Variants in AGMO observed in about 807,000 individuals in gnomAD.
AGMO encodes the protein alkylglycerol monooxygenase, also known as glyceryl-ether monooxygenase.
Under a neutral mutation model 60.2 loss-of-function variants are expected in AGMO, and 75 were observed. The ratio of observed to expected loss-of-function variants is 1.25; its 90% CI spans 1.03 to 1.51. AGMO has a LOEUF of 1.51. Ranked by LOEUF, AGMO falls within the 40% of genes most tolerant of loss-of-function variation. The pLI, the probability that AGMO is intolerant of heterozygous loss-of-function variation, is 0.00. For synonymous variants in AGMO, 261 were observed against 177.1 expected (o/e 1.47, Z -3.76); for missense variants, 763 against 525.5 (o/e 1.45, Z -4.42).
At chr7:15,541,306 G>C (rs1019647472) in intron 3 of AGMO, among the ~76,000 whole-genome samples, 1 of 152,016 alleles carries the variant, frequency 6.6e-6, no homozygotes, top group African/African-American at 2.4e-5. Flanking sequence ...ATTTTTAGTA[G>C]AGACAAGGTT....
intron 12 of AGMO, among the ~76,000 whole-genome samples, chr7:15,209,666 C>T (rs571272190): frequency 1.3e-5 from 2 of 152,238 alleles, no homozygotes; most frequent in South Asian, 2.1e-4. Flanking sequence ...TCGCCTAAGT[C>T]TCAAGTCATA....
At chr7:15,421,703 C>T (rs1375138356) in intron 4 of AGMO, among the ~76,000 whole-genome samples, 1 of 151,922 alleles carries the variant, frequency 6.6e-6, no homozygotes, top group Non-Finnish European at 1.5e-5. Flanking sequence ...TGGGGAATGT[C>T]GTGTTGGGGT....
intron 3 of AGMO, among the ~76,000 whole-genome samples, chr7:15,472,691 A>C (rs1782480360): frequency 6.6e-6 from 1 of 151,968 alleles, no homozygotes; most frequent in Admixed American, 6.6e-5. Flanking sequence ...ATGTGATCAT[A>C]TTTTCTGACA....
chr7:15,315,767 G>A (rs1780905575), intron 12 of AGMO, among the ~76,000 whole-genome samples: 1 of 152,020 alleles, frequency 6.6e-6, no homozygotes. Flanking sequence ...GAGATAAGAG[G>A]AAAAGTCTCT....
At chr7:15,304,246 A>G (rs1780543794) in intron 12 of AGMO, among the ~76,000 whole-genome samples, 1 of 152,084 alleles carries the variant, frequency 6.6e-6, no homozygotes, top group African/African-American at 2.4e-5. Flanking sequence ...CATTTGTTTC[A>G]TCTTTTAAAG....
At chr7:15,552,619 A>T (rs909231190) in intron 2 of AGMO, among the ~76,000 whole-genome samples, 5 of 149,288 alleles carry the variant, frequency 3.3e-5, no homozygotes, top group African/African-American at 1.2e-4. Flanking sequence ...AACCACAGTG[A>T]GATACCATCT....
chr7:15,385,413 G>A (rs111673111), intron 10 of AGMO, 33 bp downstream of exon 10: 1 of 1,314,096 alleles, frequency 7.6e-7, no homozygotes, highest in Admixed American at 1.8e-5. Context: ...AACAGATAAT[G>A]TTCTCACACT....
intron 5 of AGMO, among the ~76,000 whole-genome samples, chr7:15,395,578 T>C (rs1040254715): frequency 6.6e-5 from 10 of 152,178 alleles, no homozygotes; most frequent in Non-Finnish European, 1.5e-4. Flanking sequence ...CTGATCCAGA[T>C]TATGCTACGA....
intron 4 of AGMO, among the ~76,000 whole-genome samples, chr7:15,420,611 A>T (rs188475053): frequency 1.3e-5 from 2 of 152,192 alleles, no homozygotes; most frequent in Admixed American, 6.6e-5. Flanking sequence ...AATGTGGTCC[A>T]GGTAGGAGAA....
At chr7:15,404,120 G>A (rs1784625516) in intron 5 of AGMO, among the ~76,000 whole-genome samples, 1 of 151,912 alleles carries the variant, frequency 6.6e-6, no homozygotes, top group Non-Finnish European at 1.5e-5. Flanking sequence ...GGACTGTTGG[G>A]ATCATAAGGA....
intron 8 of AGMO, 25 bp downstream of exon 8, chr7:15,390,642 GAAGA>G (rs2128485124): frequency 4.1e-6 from 6 of 1,461,812 alleles, no homozygotes; most frequent in Middle Eastern, 1.8e-4. Flanking sequence ...TGATATAAAT[GAAGA>G]AAGAATAAAA....
intron 2 of AGMO, among the ~76,000 whole-genome samples, chr7:15,556,973 G>A (rs1185919554): frequency 6.6e-6 from 1 of 151,930 alleles, no homozygotes; most frequent in Admixed American, 6.6e-5. Flanking sequence ...ACAGATCATG[G>A]TCTGTCCAAC....
chr7:15,208,051 T>C (rs1283148452), intron 12 of AGMO, among the ~76,000 whole-genome samples: 1 of 152,224 alleles, frequency 6.6e-6, no homozygotes, highest in Admixed American at 6.5e-5. Flanking sequence ...GATTTATAAA[T>C]CATGAATCAC....
At chr7:15,460,071 A>T (rs1253095706) in intron 3 of AGMO, among the ~76,000 whole-genome samples, 1 of 151,494 alleles carries the variant, frequency 6.6e-6, no homozygotes, top group Non-Finnish European at 1.5e-5. Flanking sequence ...CAAAAGATGC[A>T]CAAAGTTTCA....
chr7:15,194,621 T>C, the AGMO span, among the ~76,000 whole-genome samples: 1 of 152,150 alleles, frequency 6.6e-6, no homozygotes, highest in African/African-American at 2.4e-5. Context: ...GTGAATAATA[T>C]AAGTTGATAA....
chr7:15,506,084 C>T (rs1365238222), intron 3 of AGMO, among the ~76,000 whole-genome samples: 1 of 151,928 alleles, frequency 6.6e-6, no homozygotes, highest in Admixed American at 6.6e-5. Flanking sequence ...AGTGATTTCC[C>T]TTATTTTTAT....
At chr7:15,308,294 C>T (rs1038115740) in intron 12 of AGMO, among the ~76,000 whole-genome samples, 2 of 152,086 alleles carry the variant, frequency 1.3e-5, no homozygotes, top group Admixed American at 6.6e-5. Context: ...TATAAATTTG[C>T]ATATTTTTTC....
chr7:15,241,343 C>G (rs1782580419), intron 12 of AGMO, among the ~76,000 whole-genome samples: 1 of 150,662 alleles, frequency 6.6e-6, no homozygotes, highest in South Asian at 2.1e-4. Context: ...GCCTGTAATC[C>G]CAGCTACTCG....
chr7:15,549,661 A>G (rs1019932594), intron 2 of AGMO, among the ~76,000 whole-genome samples: 2 of 149,988 alleles, frequency 1.3e-5, no homozygotes, highest in African/African-American at 4.9e-5. Flanking sequence ...ACCCAGATTC[A>G]TAAAGCAAGT....
Sources: gnomAD v4.1 joint callset for allele counts (sites outside exome capture counted in the v4.1 genomes callset) on GRCh38, gnomAD v4.1.1 for gene constraint, MANE v1.5 for transcripts, NCBI Gene and HGNC (gene_info 2026-07-23, HGNC 2026-07-21) for gene names.